The following BLK variants were observed in gnomAD, a reference collection of about 807,000 sequenced individuals.
BLK encodes BLK proto-oncogene, Src family tyrosine kinase, also known as tyrosine-protein kinase Blk.
A neutral mutation model predicts 61.8 loss-of-function variants in BLK; 64 were observed. The ratio of observed to expected loss-of-function variants is 1.03; its 90% CI spans 0.85 to 1.27. The LOEUF is 1.27. BLK is among the 50% of genes most tolerant of loss of function. The pLI, the probability that BLK is intolerant of heterozygous loss-of-function variation, is 0.00. For missense variants in BLK, 853 were observed against 660.5 expected (o/e 1.29, Z -3.19); for synonymous variants, 351 against 272.0 (o/e 1.29, Z -2.86).
At chr8:11,533,093 AG>A in intron 1 of BLK, among the ~76,000 whole-genome samples, 1 of 1,854 alleles carries the variant, frequency 5.4e-4, no homozygotes, top group East Asian at 0.05. Context: ...CAGCATCATT[AG>A]TATTCATGTT....
chr8:11,535,780 C>T (rs893198872), intron 1 of BLK, among the ~76,000 whole-genome samples: 2 of 152,216 alleles, frequency 1.3e-5, no homozygotes, highest in African/African-American at 4.8e-5. Flanking sequence ...ACCTCCTCGA[C>T]AGCATCTCTA....
chr8:11,560,684 C>T, intron 10 of BLK: 1 of 363,912 alleles, frequency 2.7e-6, no homozygotes, highest in South Asian at 2.0e-5. Flanking sequence ...CCTCTGTCCA[C>T]CTGGATCTGC....
intron 5 of BLK, among the ~76,000 whole-genome samples, chr8:11,549,459 G>A (rs1800805325): frequency 6.6e-6 from 1 of 152,228 alleles, no homozygotes; most frequent in South Asian, 2.1e-4. Context: ...AGCCTCCATG[G>A]GCAGGACTCA....
At chr8:11,519,580 C>T (rs1191897259) in intron 1 of BLK, among the ~76,000 whole-genome samples, 6 of 152,186 alleles carry the variant, frequency 3.9e-5, no homozygotes, top group African/African-American at 9.7e-5. Flanking sequence ...TGTACAGCAT[C>T]GTAACAGTTC....
At chr8:11,544,092 A>G (rs1281912788) in intron 2 of BLK, among the ~76,000 whole-genome samples, 2 of 151,910 alleles carry the variant, frequency 1.3e-5, no homozygotes, top group Non-Finnish European at 2.9e-5. Flanking sequence ...CCTTCTGAGT[A>G]GCTGGAATCA....
At chr8:11,555,535 G>A (rs753696674) in intron 8 of BLK, 51 bp downstream of exon 8, 43 of 1,611,330 alleles carry the variant, frequency 2.7e-5, no homozygotes, top group South Asian at 6.6e-5. Flanking sequence ...CACCTGCGCC[G>A]CATCCTGAGT....
intron 4 of BLK, 56 bp from the exon 5 acceptor site, chr8:11,548,968 C>A: frequency 6.8e-7 from 1 of 1,476,348 alleles, no homozygotes; most frequent in Non-Finnish European, 9.3e-7. Flanking sequence ...GAGAGCTGCC[C>A]AGTGACGGGC....
Position 11,559,910 on chromosome 8 carries a change from A to C in BLK, c.1030-1392A>C, listed in dbSNP as rs1038240476. Reference sequence around the variant, plus strand: ...CCCGGAAGCACTGTTCTTGCTCAGCAGATCTGGGCAGCTTCTTCTTGAAAG... The same window carrying C: ...CCCGGAAGCACTGTTCTTGCTCAGCCGATCTGGGCAGCTTCTTCTTGAAAG... On this transcript the variant is annotated intron_variant, in intron 10 of 12. Transcript: ENST00000259089. The C allele has an allele frequency of 6.7e-6, 3 of 449,196 alleles. No individual in the cohort carries two copies. In the Admixed American group the frequency reaches 7.2e-5, roughly 11 times the overall value. The allele number at this position is 449,196 out of a possible 1,614,324, so 27.8% of individuals were successfully genotyped here.
intron 1 of BLK, among the ~76,000 whole-genome samples, chr8:11,496,785 C>G (rs1798375000): frequency 6.6e-6 from 1 of 152,220 alleles, no homozygotes; most frequent in Non-Finnish European, 1.5e-5. Context: ...TGGGCTCAAC[C>G]ACCCCACAGA....
intron 7 of BLK, 94 bp downstream of exon 7, chr8:11,554,983 C>A: frequency 6.6e-7 from 1 of 1,525,044 alleles, no homozygotes. Context: ...TTGGTGCCAC[C>A]TTGGGGGATG....
chr8:11,531,404 T>C (rs371525881), intron 1 of BLK, among the ~76,000 whole-genome samples: 1 of 152,246 alleles, frequency 6.6e-6, no homozygotes. Flanking sequence ...CACGTTTGTA[T>C]GCTTCTGACT....
chr8:11,511,773 T>A (rs879264689), intron 1 of BLK, among the ~76,000 whole-genome samples: 1 of 152,190 alleles, frequency 6.6e-6, no homozygotes, highest in Non-Finnish European at 1.5e-5. Context: ...TAGTGCAACA[T>A]TCAACATGAG....
chr8:11,556,634 G>A, intron 8 of BLK, 24 bp from the exon 9 acceptor site: 1 of 1,613,936 alleles, frequency 6.2e-7, no homozygotes, highest in Non-Finnish European at 8.5e-7. Context: ...CTTCTGATTG[G>A]CTTCTTCACT....
At chr8:11,499,783 A>C (rs1355134035) in intron 1 of BLK, among the ~76,000 whole-genome samples, 1 of 152,082 alleles carries the variant, frequency 6.6e-6, no homozygotes, top group Non-Finnish European at 1.5e-5. Flanking sequence ...CTTAGAACCC[A>C]ATTTGCATCT....
chr8:11,496,344 A>G (rs770574552), intron 1 of BLK, among the ~76,000 whole-genome samples: 4 of 152,088 alleles, frequency 2.6e-5, no homozygotes, highest in Non-Finnish European at 5.9e-5. Flanking sequence ...GGCTCAAGCG[A>G]TCCTCCCAAC....
intron 1 of BLK, among the ~76,000 whole-genome samples, chr8:11,521,396 T>G (rs1412083790): frequency 6.6e-6 from 1 of 152,188 alleles, no homozygotes; most frequent in Non-Finnish European, 1.5e-5. Flanking sequence ...GCTCAAGCAA[T>G]CCTCCCATCT....
chr8:11,538,279 C>T (rs1800221800), intron 1 of BLK, among the ~76,000 whole-genome samples: 1 of 152,178 alleles, frequency 6.6e-6, no homozygotes, highest in Non-Finnish European at 1.5e-5. Context: ...ATGCGTTTTG[C>T]CTCTGTCTGG....
intron 1 of BLK, among the ~76,000 whole-genome samples, chr8:11,505,406 C>T (rs961154463): frequency 6.6e-6 from 1 of 152,180 alleles, no homozygotes; most frequent in African/African-American, 2.4e-5. Context: ...CTGAGCACAG[C>T]ATGGTGACCT....
intron 4 of BLK, 70 bp downstream of exon 4, chr8:11,548,195 C>A (rs1585396598): frequency 9.8e-6 from 13 of 1,321,242 alleles, no homozygotes; most frequent in Middle Eastern, 2.5e-4. Flanking sequence ...TTTCTCCACC[C>A]ACCACATCCT....
Sources: allele counts gnomAD v4.1 joint callset (sites outside exome capture counted in the v4.1 genomes callset), GRCh38; gene constraint gnomAD v4.1.1; transcripts MANE v1.5; gene names NCBI Gene and HGNC (gene_info 2026-07-23, HGNC 2026-07-21).